The following CD59 variants were observed in gnomAD, a reference collection of about 807,000 sequenced individuals.
CD59 encodes the protein CD59 molecule (CD59 blood group).
A neutral mutation model predicts 7.0 loss-of-function variants in CD59; 3 were observed. That is an observed-to-expected ratio of 0.43 (90% CI 0.19 to 1.10). The LOEUF is 1.10. CD59 is among the 50% of genes least tolerant of loss of function. The probability of loss-of-function intolerance (pLI) is 0.29; values close to 1 mark genes in which losing one functional copy is unlikely to be tolerated. For missense variants in CD59, 143 were observed against 151.0 expected, an observed-to-expected ratio of 0.95 and a Z score of 0.28; for synonymous variants, 60 against 62.0, an observed-to-expected ratio of 0.97 and a Z score of 0.15.
chr11:33,719,627 T>TAAATAAAATA (rs540281320), intron 2 of CD59: 1 of 151,950 alleles, frequency 6.6e-6, no homozygotes, highest in African/African-American at 2.4e-5. Context: ...GTCTAAAAAA[T>TAAATAAAATA]AAATAAAATA....
At position 33,703,551 on chromosome 11, in the gene CD59, T is replaced by C. The variant is rs572189042; in HGVS notation, c.*6575A>G. ...TTTGGAACCAACTGAGAGACACAAG[T>C]CCCTCTTCGTTGATCAGGGTCAGTT... On this transcript the variant is annotated 3_prime_UTR_variant, in exon 4 of 4. Transcript: ENST00000642928. 1 of 152,220 alleles carries C rather than the reference T, an allele frequency of 6.6e-6. No individual in the cohort carries two copies. The highest frequency in any genetic ancestry group is 2.1e-4 in the South Asian group (1 of 4,826). The allele number at this position is 152,220 out of a possible 1,614,324, so 9.4% of individuals were successfully genotyped here.
At chr11:33,725,962 A>G (rs1332028747) in intron 1 of CD59, among the ~76,000 whole-genome samples, 3 of 152,240 alleles carry the variant, frequency 2.0e-5, no homozygotes, top group Admixed American at 1.3e-4. Flanking sequence ...AAGGAGATCA[A>G]TGCAACAAGA....
At chr11:33,732,255 G>A (rs1854441069) in intron 1 of CD59, among the ~76,000 whole-genome samples, 1 of 151,342 alleles carries the variant, frequency 6.6e-6, no homozygotes, top group African/African-American at 2.4e-5. Flanking sequence ...CCCAGTGTCG[G>A]AGGAGGGACC....
At chr11:33,727,155 T>A (rs933283133) in intron 1 of CD59, among the ~76,000 whole-genome samples, 2 of 152,112 alleles carry the variant, frequency 1.3e-5, no homozygotes, top group African/African-American at 4.8e-5. Flanking sequence ...AAAGAGGGAA[T>A]CCTCCCTAAC....
chr11:33,722,743 T>G, intron 1 of CD59: 1 of 1,191,662 alleles, frequency 8.4e-7, no homozygotes, highest in Non-Finnish European at 1.1e-6. Context: ...TATGAGCAAA[T>G]TGACTCATAT....
In CD59 at chr11:33,703,411, G is replaced by A. The variant is rs1057135346; in HGVS notation, c.*6715C>T. ...AAGAACAGTCTTGAATTCAACTTCA[G>A]CAGAACCTTTCCCTCCCTGGGCTCC... On this transcript the variant is annotated 3_prime_UTR_variant, in exon 4 of 4. Transcript: ENST00000642928. 3.9e-5 allele frequency: 6 copies of A among 152,182 alleles called. No homozygotes were observed. The allele number at this position is 152,182 out of a possible 1,614,324, so 9.4% of individuals were successfully genotyped here. A position where few individuals can be genotyped will look rare whatever the true frequency, so the allele number is the denominator to read the frequency against.
chr11:33,723,384 C>T (rs1187739298), intron 1 of CD59, among the ~76,000 whole-genome samples: 1 of 152,210 alleles, frequency 6.6e-6, no homozygotes, highest in African/African-American at 2.4e-5. Flanking sequence ...CCTGTCCCTT[C>T]CTTCTCACAC....
intron 2 of CD59, among the ~76,000 whole-genome samples, chr11:33,720,028 T>C (rs1263009017): frequency 1.3e-5 from 2 of 152,202 alleles, no homozygotes; most frequent in African/African-American, 4.8e-5. Context: ...GGTGGCTAGA[T>C]CCCGGGCTCA....
intron 1 of CD59, among the ~76,000 whole-genome samples, chr11:33,729,159 T>C (rs775606326): frequency 6.6e-5 from 10 of 152,230 alleles, no homozygotes; most frequent in Admixed American, 4.6e-4. Context: ...TTACTGGGTA[T>C]ATATCCAAAG....
intron 1 of CD59, among the ~76,000 whole-genome samples, chr11:33,734,783 T>G (rs1271247788): frequency 6.6e-6 from 1 of 152,250 alleles, no homozygotes; most frequent in Non-Finnish European, 1.5e-5. Context: ...CAAGCACTTC[T>G]GGGCTTGGCA....
intron 3 of CD59, among the ~76,000 whole-genome samples, chr11:33,713,273 TAAG>T (rs1326055124): frequency 1.3e-5 from 2 of 152,196 alleles, no homozygotes; most frequent in Non-Finnish European, 1.5e-5. Context: ...TACTGGGGTA[TAAG>T]AAGGTATTTG....
intron 2 of CD59, chr11:33,717,736 T>C (rs1853865213): frequency 2.3e-6 from 1 of 431,528 alleles, no homozygotes; most frequent in African/African-American, 2.0e-5. Flanking sequence ...AACCTGCAAC[T>C]GGAAGGAGAT....
chr11:33,714,775 A>G (rs1853712427), intron 3 of CD59, among the ~76,000 whole-genome samples: 2 of 152,240 alleles, frequency 1.3e-5, no homozygotes, highest in South Asian at 4.2e-4. Context: ...ACATTAGCCT[A>G]GTCCTACATA....
intron 1 of CD59, among the ~76,000 whole-genome samples, chr11:33,734,654 C>T (rs1026196350): frequency 1.3e-5 from 2 of 152,344 alleles, no homozygotes; most frequent in South Asian, 4.1e-4. Flanking sequence ...CCAAAGAGTC[C>T]TATCTCCGCA....
At chr11:33,723,432 G>A (rs1854154886) in intron 1 of CD59, among the ~76,000 whole-genome samples, 2 of 152,184 alleles carry the variant, frequency 1.3e-5, no homozygotes, top group African/African-American at 4.8e-5. Context: ...ATTTGCTGAC[G>A]CAGGCCAGTG....
At chr11:33,721,807 G>A (rs1203878926) in intron 2 of CD59, among the ~76,000 whole-genome samples, 2 of 152,206 alleles carry the variant, frequency 1.3e-5, no homozygotes, top group African/African-American at 2.4e-5. Flanking sequence ...TAATTTTGGG[G>A]AGGCCTCAAT....
At chr11:33,710,522 G>A (rs537720440) in intron 3 of CD59, among the ~76,000 whole-genome samples, 179 bp from the exon 4 acceptor site, 8 of 152,240 alleles carry the variant, frequency 5.3e-5, no homozygotes, top group African/African-American at 1.9e-4. Flanking sequence ...CCTCTAAATA[G>A]AGCTTTTACA....
chr11:33,724,880 C>T (rs953952270), intron 1 of CD59, among the ~76,000 whole-genome samples: 2 of 150,382 alleles, frequency 1.3e-5, no homozygotes, highest in African/African-American at 2.5e-5. Context: ...ATGCCAAGGT[C>T]GGGCTGTTCC....
chr11:33,735,124 G>A (rs1402836926), intron 1 of CD59, among the ~76,000 whole-genome samples: 1 of 152,148 alleles, frequency 6.6e-6, no homozygotes, highest in East Asian at 1.9e-4. Flanking sequence ...CCACATTTTG[G>A]CAAACGTTGC....
Sources: gnomAD v4.1 joint callset for allele counts (sites outside exome capture counted in the v4.1 genomes callset) on GRCh38, gnomAD v4.1.1 for gene constraint, MANE v1.5 for transcripts, NCBI Gene and HGNC (gene_info 2026-07-23, HGNC 2026-07-21) for gene names.